DLG1: variants seen among roughly 807,000 people sequenced by gnomAD.
DLG1 encodes the protein discs large MAGUK scaffold protein 1, also known as disks large homolog 1.
In DLG1, 42 loss-of-function variants were observed where a neutral mutation model predicts 123.4. That is an observed-to-expected ratio of 0.34 (90% confidence interval 0.27 to 0.44). The LOEUF (loss-of-function observed/expected upper bound fraction) is 0.44. DLG1 is among the 20% of genes least tolerant of loss of function. The probability of loss-of-function intolerance (pLI) is 1.00; values close to 1 mark genes in which losing one functional copy is unlikely to be tolerated. For synonymous variants in DLG1, 317 were observed against 356.2 expected (o/e 0.89, Z 1.24); for missense variants, 942 against 1,082.6 (o/e 0.87, Z 1.82).
At chr3:197,132,231 AATCTT>A (rs1462064484) in intron 10 of DLG1, among the ~76,000 whole-genome samples, 1 of 149,808 alleles carries the variant, frequency 6.7e-6, no homozygotes, top group Non-Finnish European at 1.5e-5. Context: ...TTTCTGCTCT[AATCTT>A]TATTATTTCC....
chr3:197,214,347 G>A (rs1732874618), intron 4 of DLG1, among the ~76,000 whole-genome samples: 1 of 152,084 alleles, frequency 6.6e-6, no homozygotes, highest in Non-Finnish European at 1.5e-5. Context: ...GGCCGAGGTG[G>A]GAGGATCATG....
chr3:197,206,848 A>C (rs1417845301), intron 4 of DLG1, among the ~76,000 whole-genome samples: 1 of 152,158 alleles, frequency 6.6e-6, no homozygotes, highest in Non-Finnish European at 1.5e-5. Context: ...ATAAATAAAA[A>C]TAAAGAACGA....
chr3:197,260,220 C>T, intron 4 of DLG1: 1 of 414,432 alleles, frequency 2.4e-6, no homozygotes. Flanking sequence ...TCACATCTGT[C>T]ACTAACAATG....
chr3:197,111,582 T>C (rs902353236), intron 13 of DLG1, among the ~76,000 whole-genome samples: 29 of 152,214 alleles, frequency 1.9e-4, no homozygotes, highest in African/African-American at 6.8e-4. Context: ...ATGTAGAAAT[T>C]TGAACAGCTC....
chr3:197,231,319 C>G (rs1057449181), intron 4 of DLG1, among the ~76,000 whole-genome samples: 20 of 152,304 alleles, frequency 1.3e-4, no homozygotes, highest in Admixed American at 9.8e-4. Context: ...CAAAGAATAG[C>G]CCACAATAAT....
intron 3 of DLG1, among the ~76,000 whole-genome samples, chr3:197,288,233 G>A (rs562628640): frequency 2.7e-4 from 40 of 149,606 alleles, no homozygotes; most frequent in Non-Finnish European, 5.1e-4. Context: ...GCGTGGTGGC[G>A]CACGCCTGTA....
chr3:197,070,580 T>C (rs909600731), intron 18 of DLG1: 2 of 139,248 alleles, frequency 1.4e-5, no homozygotes, highest in East Asian at 2.3e-4. Context: ...TTTTTTTTTT[T>C]TTTTTTTGAG....
chr3:197,198,994 G>A (rs924505196), intron 4 of DLG1, among the ~76,000 whole-genome samples: 1 of 152,086 alleles, frequency 6.6e-6, no homozygotes, highest in Non-Finnish European at 1.5e-5. Context: ...AGTGGTGGTA[G>A]GTGCACAACT....
chr3:197,127,592 A>G (rs1357888841), intron 11 of DLG1, among the ~76,000 whole-genome samples: 1 of 149,342 alleles, frequency 6.7e-6, no homozygotes, highest in Non-Finnish European at 1.5e-5. Flanking sequence ...TAGAACCTGA[A>G]AGTACAAAGA....
intron 5 of DLG1, among the ~76,000 whole-genome samples, chr3:197,162,335 A>C (rs1378460347): frequency 6.6e-6 from 1 of 152,208 alleles, no homozygotes. Context: ...TAAAAAGTTC[A>C]CTGTTTTATC....
chr3:197,136,540 A>T lies in DLG1; in HGVS notation c.1020+2T>A. The T allele has an allele frequency of 6.2e-7, 1 of 1,604,564 alleles. No individual in the cohort carries two copies. Among genetic ancestry groups the T allele is most frequent in the Non-Finnish European group, 8.5e-7 (1 of 1,176,572 alleles). On this transcript the variant is annotated splice_donor_variant, in intron 10 of 24. Transcript: ENST00000667157. LOFTEE classifies it high-confidence loss of function. The stretch of plus-strand genomic sequence containing the variant: ...AAAAGACAATAGATTTCTTATACTT[A>T]CTGCTAAAAGTTTATCTCCAATCTG...
intron 22 of DLG1, among the ~76,000 whole-genome samples, chr3:197,061,260 C>A (rs1735574958): frequency 6.6e-6 from 1 of 152,220 alleles, no homozygotes; most frequent in Non-Finnish European, 1.5e-5. Flanking sequence ...TATCTACTTT[C>A]ATCAGACATA....
intron 5 of DLG1, among the ~76,000 whole-genome samples, chr3:197,186,672 T>C (rs1716221786): frequency 6.6e-6 from 1 of 152,220 alleles, no homozygotes; most frequent in Non-Finnish European, 1.5e-5. Flanking sequence ...CTCTCAATTA[T>C]TTGTGTACGT....
intron 14 of DLG1, 90 bp downstream of exon 14, chr3:197,104,813 G>A: frequency 1.1e-6 from 1 of 897,174 alleles, no homozygotes; most frequent in Non-Finnish European, 1.8e-6. Context: ...AGGAAGTTTA[G>A]CTTGGAAGTT....
chr3:197,275,223 A>G (rs1765848357), intron 4 of DLG1, among the ~76,000 whole-genome samples: 1 of 151,622 alleles, frequency 6.6e-6, no homozygotes. Flanking sequence ...CTCTTACCCC[A>G]CTTAATATGG....
At chr3:197,137,687 G>A (rs762763106) in intron 9 of DLG1, among the ~76,000 whole-genome samples, 2 of 151,900 alleles carry the variant, frequency 1.3e-5, no homozygotes. Flanking sequence ...TAAGAATTTT[G>A]GGCCAGGTGC....
rs561740672 is a variant in DLG1, at chr3:197,115,331, G to C, written c.1443+596C>G. Among the ~76,000 whole-genome samples, 8 of 148,926 alleles carry C rather than the reference G, an allele frequency of 5.4e-5. No individual in the cohort carries two copies. The South Asian group carries it at 1.1e-3, about 20-fold the overall frequency. Reference sequence around the variant, plus strand: ...GGGTAACAACATAAGCACACAAATTGAAAGTAAGAAGAGGAGAAAAGATGA... The same window carrying C: ...GGGTAACAACATAAGCACACAAATTCAAAGTAAGAAGAGGAGAAAAGATGA... On this transcript the variant is annotated intron_variant, in intron 13 of 24. Coordinates refer to ENST00000667157, the MANE Select transcript of DLG1 (RefSeq NM_001366207.1).
Position 197,136,946 on chromosome 3 carries a change from T to C in DLG1, c.884-268A>G, listed in dbSNP as rs180884569. Among the ~76,000 whole-genome samples, 3 of 152,348 alleles carry C rather than the reference T, an allele frequency of 2.0e-5. No homozygotes were observed. In the East Asian group the frequency reaches 5.8e-4, roughly 29 times the overall value. ...ATGCACTTGTTATTCCAAAGTGACA[T>C]TGCGAAATTATGTTTTACTTTTGTT... On this transcript the variant is annotated intron_variant, in intron 9 of 24. Coordinates refer to ENST00000667157, the MANE Select transcript of DLG1 (RefSeq NM_001366207.1).
chr3:197,227,576 T>A (rs2122824), intron 4 of DLG1, among the ~76,000 whole-genome samples: 4 of 152,012 alleles, frequency 2.6e-5, no homozygotes, highest in East Asian at 1.9e-4. Flanking sequence ...CTCTGTATGC[T>A]TAGTAAGCAA....
Sources: allele counts gnomAD v4.1 joint callset (sites outside exome capture counted in the v4.1 genomes callset), GRCh38; gene constraint gnomAD v4.1.1; transcripts MANE v1.5; gene names NCBI Gene and HGNC (gene_info 2026-07-23, HGNC 2026-07-21).